Variants in ECT2L observed in about 807,000 individuals in gnomAD.
ECT2L encodes epithelial cell transforming 2 like.
Under a neutral mutation model 122.8 loss-of-function variants are expected in ECT2L, and 126 were observed. The observed-to-expected ratio is 1.03, with a 90% CI of 0.89 to 1.19. ECT2L has a LOEUF of 1.19. Ranked by LOEUF, ECT2L falls within the 50% of genes most tolerant of loss-of-function variation. ECT2L has a pLI of 0.00. For missense variants in ECT2L, 1,012 were observed against 1,064.1 expected (o/e 0.95, Z 0.68); for synonymous variants, 385 against 381.8 (o/e 1.01, Z -0.10).
At chr6:138,895,942 T>C (rs1430158993) in intron 20 of ECT2L, among the ~76,000 whole-genome samples, 1 of 152,190 alleles carries the variant, frequency 6.6e-6, no homozygotes, top group East Asian at 1.9e-4. Flanking sequence ...AGTCACACAG[T>C]TATTTTAAGA....
At position 138,900,296 on chromosome 6, in the gene ECT2L, G is replaced by A. The variant is rs112408221; in HGVS notation, c.2415-652G>A. 4.5e-3 allele frequency among the ~76,000 whole-genome samples: 687 copies of A among 152,036 alleles called. 7 individuals are homozygous for A. The highest frequency in any genetic ancestry group is 0.016 in the African/African-American group (644 of 41,478). On this transcript the variant is annotated intron_variant, in intron 20 of 21. Coordinates refer to ENST00000541398, the MANE Select transcript of ECT2L (RefSeq NM_001077706.3). ...GAGTCTCGCCCTGTCACCCAGGCTGGAGTGCAGTGGCGCAATCTCAACTCA... is the reference window on the plus strand; with the variant it reads ...GAGTCTCGCCCTGTCACCCAGGCTGAAGTGCAGTGGCGCAATCTCAACTCA...
chr6:138,803,268 GAA>G (rs1775605877), intron 1 of ECT2L, among the ~76,000 whole-genome samples: 1 of 149,842 alleles, frequency 6.7e-6, no homozygotes, highest in African/African-American at 2.5e-5. Flanking sequence ...AAAAAAAAAG[GAA>G]AGAGAAAAAG....
At chr6:138,883,127 G>C (rs1778699724) in intron 16 of ECT2L, among the ~76,000 whole-genome samples, 1 of 152,206 alleles carries the variant, frequency 6.6e-6, no homozygotes, top group Non-Finnish European at 1.5e-5. Flanking sequence ...ACCTGCCCCA[G>C]ATACCCTCAG....
At chr6:138,818,763 G>A (rs533026582) in intron 4 of ECT2L, among the ~76,000 whole-genome samples, 7 of 152,134 alleles carry the variant, frequency 4.6e-5, no homozygotes, top group African/African-American at 1.4e-4. Flanking sequence ...AGGGGTAAGC[G>A]GGGATCTGAA....
intron 14 of ECT2L, 100 bp from the exon 15 acceptor site, chr6:138,880,856 GA>G: frequency 9.0e-6 from 9 of 1,000,474 alleles, no homozygotes; most frequent in Non-Finnish European, 1.4e-5. Flanking sequence ...CCTTCAACCT[GA>G]ACAGCACAAA....
At chr6:138,896,310 T>C (rs1779210837) in intron 20 of ECT2L, among the ~76,000 whole-genome samples, 2 of 152,126 alleles carry the variant, frequency 1.3e-5, no homozygotes, top group South Asian at 4.1e-4. Context: ...GCAGGACTGG[T>C]GAATAGAGGC....
chr6:138,892,145 C>T (rs964630105), intron 20 of ECT2L, among the ~76,000 whole-genome samples: 2 of 152,168 alleles, frequency 1.3e-5, no homozygotes, highest in Non-Finnish European at 2.9e-5. Flanking sequence ...GATACCCCTA[C>T]TTTGTCCCTG....
At chr6:138,831,123 T>C (rs970233501) in intron 4 of ECT2L, among the ~76,000 whole-genome samples, 17 of 152,192 alleles carry the variant, frequency 1.1e-4, no homozygotes, top group African/African-American at 4.1e-4. Flanking sequence ...TAATCACCAC[T>C]TATCAATTTA....
chr6:138,900,598 A>G (rs1418909527), intron 20 of ECT2L, among the ~76,000 whole-genome samples: 3 of 152,218 alleles, frequency 2.0e-5, no homozygotes, highest in Non-Finnish European at 4.4e-5. Context: ...CAGATTGCCC[A>G]AATACATCAA....
chr6:138,903,667 T>G lies in ECT2L; in HGVS notation c.*1040T>G, dbSNP rs1779484674. ...ATGAAATACAGCTGAGTAAAAATGT[T>G]TCTTTGAAAACAAAGACACTCAGAA... On this transcript the variant is annotated 3_prime_UTR_variant, in exon 22 of 22. Transcript: ENST00000541398. 1 of 152,216 alleles carries G rather than the reference T, an allele frequency of 6.6e-6. No homozygotes were observed. The highest frequency in any genetic ancestry group is 2.4e-5 in the African/African-American group (1 of 41,470). 9.4% of individuals were successfully genotyped at this position (152,216 alleles called of 1,614,324 possible).
intron 20 of ECT2L, among the ~76,000 whole-genome samples, chr6:138,894,562 A>G (rs1233440494): frequency 6.6e-6 from 1 of 152,190 alleles, no homozygotes; most frequent in Non-Finnish European, 1.5e-5. Flanking sequence ...AAAATTTACC[A>G]GGCCCAGAGA....
chr6:138,814,355 T>G, intron 3 of ECT2L, 136 bp from the exon 4 acceptor site: 1 of 466,466 alleles, frequency 2.1e-6, no homozygotes, highest in Non-Finnish European at 3.8e-6. Flanking sequence ...TCTCTATATG[T>G]GAAAGCGCTC....
intron 7 of ECT2L, among the ~76,000 whole-genome samples, chr6:138,845,581 TAA>T (rs555986753): frequency 2.0e-3 from 305 of 152,112 alleles, no homozygotes; most frequent in African/African-American, 7.0e-3. Context: ...CTCACTCACC[TAA>T]GTTTCAAATG....
intron 13 of ECT2L, among the ~76,000 whole-genome samples, chr6:138,873,892 G>GTGTGTGTGTGTGTGTA (rs1554276987): frequency 0.011 from 1,457 of 134,900 alleles, 31 homozygotes; most frequent in African/African-American, 0.038. Flanking sequence ...GTGTGTGTGT[G>GTGTGTGTGTGTGTGTA]TGTGTGTGTG....
At chr6:138,887,007 G>C in intron 19 of ECT2L, 85 bp downstream of exon 19, 1 of 1,116,340 alleles carries the variant, frequency 9.0e-7, no homozygotes, top group Non-Finnish European at 1.3e-6. Context: ...CAGATCCCAA[G>C]GCAGCTAGTA....
intron 12 of ECT2L, 132 bp from the exon 13 acceptor site, chr6:138,867,971 G>GC (rs1023780785): frequency 3.5e-5 from 22 of 634,662 alleles, no homozygotes; most frequent in Non-Finnish European, 4.4e-5. Flanking sequence ...CAGCACCCCA[G>GC]CCTGGGCAAC....
intron 4 of ECT2L, among the ~76,000 whole-genome samples, chr6:138,824,556 T>TA (rs1438431121): frequency 2.4e-5 from 1 of 42,216 alleles, no homozygotes; most frequent in African/African-American, 1.1e-4. Flanking sequence ...AAAAAAAAAC[T>TA]ATAAAAAAAA....
Position 138,847,316 on chromosome 6 carries a change from T to C in ECT2L, c.903+639T>C, listed in dbSNP as rs1469599497. Among the ~76,000 whole-genome samples the C allele has an allele frequency of 2.2e-5, 3 of 136,986 alleles. No individual in the cohort carries two copies. The East Asian group carries it at 6.9e-4, about 31-fold the overall frequency. 89.9% of individuals were successfully genotyped at this position (136,986 alleles called of 152,430 possible). A position where few individuals can be genotyped will look rare whatever the true frequency, so the allele number is the denominator to read the frequency against. On this transcript the variant is annotated intron_variant, in intron 8 of 21. Transcript: ENST00000541398. Reference sequence around the variant, plus strand: ...ACCCCAGAAGCAATAAAGGTAATCATAAATCAAAATTATTTTGAAAAAGCA... The same window carrying C: ...ACCCCAGAAGCAATAAAGGTAATCACAAATCAAAATTATTTTGAAAAAGCA...
intron 12 of ECT2L, among the ~76,000 whole-genome samples, chr6:138,866,129 G>A (rs941000070): frequency 2.6e-5 from 4 of 151,490 alleles, no homozygotes; most frequent in African/African-American, 7.3e-5. Flanking sequence ...GTTGTAAACA[G>A]GGAGAAAGTA....
Sources: gnomAD v4.1 joint callset for allele counts (sites outside exome capture counted in the v4.1 genomes callset) on GRCh38, gnomAD v4.1.1 for gene constraint, MANE v1.5 for transcripts, NCBI Gene and HGNC (gene_info 2026-07-23, HGNC 2026-07-21) for gene names.